The following LPP variants were observed in gnomAD, a reference collection of about 807,000 sequenced individuals.
The protein encoded by LPP is lipoma-preferred partner.
In LPP, 38 loss-of-function variants were observed where a neutral mutation model predicts 60.4. That is an observed-to-expected ratio of 0.63 (90% confidence interval 0.49 to 0.83). The LOEUF is 0.83. LPP is among the 40% of genes least tolerant of loss of function. The probability of loss-of-function intolerance (pLI) is 0.00; values close to 1 mark genes in which losing one functional copy is unlikely to be tolerated. For synonymous variants in LPP, 328 were observed against 290.8 expected, an observed-to-expected ratio of 1.13 and a Z score of -1.30; for missense variants, 902 against 783.6, an observed-to-expected ratio of 1.15 and a Z score of -1.80.
chr3:188,696,202 A>T (rs770827649), intron 7 of LPP, among the ~76,000 whole-genome samples: 9 of 151,354 alleles, frequency 5.9e-5, no homozygotes, highest in Middle Eastern at 3.5e-3. Context: ...GTCCTAATTC[A>T]AGCTCTTTAA....
chr3:188,809,758 G>A (rs1750324780), intron 9 of LPP, among the ~76,000 whole-genome samples: 1 of 152,140 alleles, frequency 6.6e-6, no homozygotes. Flanking sequence ...CTTTGCCCAT[G>A]CCTATGTCCT....
At chr3:188,378,124 G>A (rs944950940) in intron 3 of LPP, among the ~76,000 whole-genome samples, 4 of 152,214 alleles carry the variant, frequency 2.6e-5, no homozygotes, top group South Asian at 4.1e-4. Context: ...CTACTGGGGG[G>A]TGCCTCCCAG....
intron 4 of LPP, among the ~76,000 whole-genome samples, chr3:188,419,845 T>A (rs763063573): frequency 1.3e-5 from 2 of 152,142 alleles, no homozygotes; most frequent in Non-Finnish European, 2.9e-5. Flanking sequence ...AGCCACTGCA[T>A]TCCATTCCAG....
upstream of LPP, chr3:188,153,294 C>T (rs1328685432): frequency 6.6e-6 from 1 of 152,284 alleles, no homozygotes; most frequent in Non-Finnish European, 1.5e-5. Flanking sequence ...ATTTCTCTTC[C>T]GAGAGCTTCA....
intron 6 of LPP, among the ~76,000 whole-genome samples, chr3:188,530,879 A>G (rs892271690): frequency 6.6e-6 from 1 of 152,232 alleles, no homozygotes; most frequent in Non-Finnish European, 1.5e-5. Context: ...TAGTATAAGT[A>G]CAGCTTAGCC....
Position 188,886,236 on chromosome 3 carries a change from G to T in LPP, c.*11757G>T, listed in dbSNP as rs1289652289. On this transcript the variant is annotated 3_prime_UTR_variant, in exon 12 of 12. Coordinates refer to ENST00000617246, the MANE Select transcript of LPP (RefSeq NM_001375462.1). Reference sequence around the variant, plus strand: ...TTAATGGGTGCAGCACACCAGCATGGCACATGTATACATATGTAACTAACC... The same window carrying T: ...TTAATGGGTGCAGCACACCAGCATGTCACATGTATACATATGTAACTAACC... 6.5e-6 allele frequency: 1 copy of T among 152,892 alleles called. No individual in the cohort carries two copies. The highest frequency in any genetic ancestry group is 1.4e-5 in the Non-Finnish European group (1 of 69,208). 9.5% of individuals were successfully genotyped at this position (152,892 alleles called of 1,614,324 possible). A position where few individuals can be genotyped will look rare whatever the true frequency, so the allele number is the denominator to read the frequency against.
chr3:188,596,876 T>C (rs984642459), intron 6 of LPP, among the ~76,000 whole-genome samples: 1 of 152,140 alleles, frequency 6.6e-6, no homozygotes, highest in Non-Finnish European at 1.5e-5. Context: ...ACTGGTGGCT[T>C]CTTTTACTGA....
intron 2 of LPP, among the ~76,000 whole-genome samples, chr3:188,300,764 A>G (rs73061533): frequency 0.011 from 1,718 of 152,270 alleles, 36 homozygotes; most frequent in African/African-American, 0.039. Context: ...TTTTCTCTTC[A>G]TAGAAGGATA....
intron 2 of LPP, among the ~76,000 whole-genome samples, chr3:188,282,650 C>G (rs1742508120): frequency 6.6e-6 from 1 of 152,100 alleles, no homozygotes; most frequent in Non-Finnish European, 1.5e-5. Flanking sequence ...TCCTTTTGGC[C>G]CCTGCCTCTC....
chr3:188,212,136 G>A (rs1461844420), intron 1 of LPP, among the ~76,000 whole-genome samples: 1 of 152,172 alleles, frequency 6.6e-6, no homozygotes, highest in African/African-American at 2.4e-5. Flanking sequence ...TGGGATTACA[G>A]GTGTGAGCCA....
chr3:188,376,023 G>C (rs1774960391), intron 3 of LPP, among the ~76,000 whole-genome samples: 1 of 152,170 alleles, frequency 6.6e-6, no homozygotes, highest in African/African-American at 2.4e-5. Flanking sequence ...TTTTGAGTGA[G>C]TTTCTTAATC....
chr3:188,252,789 T>G (rs938204561), intron 2 of LPP, among the ~76,000 whole-genome samples: 6 of 152,232 alleles, frequency 3.9e-5, no homozygotes, highest in African/African-American at 1.4e-4. Context: ...TTATTTTTTT[T>G]GGGACAGAGT....
intron 7 of LPP, among the ~76,000 whole-genome samples, chr3:188,664,766 A>G (rs115838508): frequency 2.0e-5 from 3 of 152,114 alleles, no homozygotes; most frequent in Admixed American, 2.0e-4. Context: ...ATTTTTTTGG[A>G]TCAAATAGTG....
intron 3 of LPP, among the ~76,000 whole-genome samples, chr3:188,401,619 A>G (rs1475905762): frequency 6.6e-6 from 1 of 152,232 alleles, no homozygotes; most frequent in Non-Finnish European, 1.5e-5. Context: ...TGATTCATCT[A>G]TAGCTCCAGT....
chr3:188,553,695 C>G (rs1341258320), intron 6 of LPP: 1 of 152,184 alleles, frequency 6.6e-6, no homozygotes, highest in African/African-American at 2.4e-5. Flanking sequence ...TTGGAAGATT[C>G]TCTTGATGAA....
At chr3:188,459,700 G>A (rs1483289574) in intron 4 of LPP, among the ~76,000 whole-genome samples, 1 of 152,048 alleles carries the variant, frequency 6.6e-6, no homozygotes, top group Non-Finnish European at 1.5e-5. Context: ...TCATTGTCAT[G>A]GGGACTCATA....
intron 2 of LPP, among the ~76,000 whole-genome samples, chr3:188,277,193 C>G (rs1740269247): frequency 6.6e-6 from 1 of 152,092 alleles, no homozygotes; most frequent in Non-Finnish European, 1.5e-5. Flanking sequence ...CATGAGCCAC[C>G]TCACCTGGCC....
chr3:188,240,874 G>C (rs564987162), intron 2 of LPP, among the ~76,000 whole-genome samples: 1 of 152,176 alleles, frequency 6.6e-6, no homozygotes, highest in East Asian at 1.9e-4. Context: ...CTATATTAAA[G>C]TAATGCTCTG....
intron 4 of LPP, among the ~76,000 whole-genome samples, chr3:188,444,876 A>G (rs566630735): frequency 1.3e-5 from 2 of 152,346 alleles, no homozygotes; most frequent in Admixed American, 1.3e-4. Flanking sequence ...CAACCAAAAT[A>G]TGGAAAAAAA....
Sources: gnomAD v4.1 joint callset for allele counts (sites outside exome capture counted in the v4.1 genomes callset) on GRCh38, gnomAD v4.1.1 for gene constraint, MANE v1.5 for transcripts, NCBI Gene and HGNC (gene_info 2026-07-23, HGNC 2026-07-21) for gene names.